The following SVIL variants were observed in gnomAD, a reference collection of about 807,000 sequenced individuals.
SVIL encodes the protein archvillin.
SVIL carries 101 observed loss-of-function variants against 240.4 expected under a neutral mutation model. The observed-to-expected ratio is 0.42, with a 90% CI of 0.36 to 0.50. The LOEUF is 0.50. Among genes scored for constraint, SVIL ranks in the 20% least tolerant of loss-of-function variants. The pLI is 0.01. For synonymous variants in SVIL, 999 were observed against 1,100.0 expected, an observed-to-expected ratio of 0.91 and a Z score of 1.82; for missense variants, 2,512 against 2,818.7, an observed-to-expected ratio of 0.89 and a Z score of 2.46.
intron 2 of SVIL, among the ~76,000 whole-genome samples, chr10:29,669,825 A>G (rs1959624859): frequency 6.6e-6 from 1 of 152,188 alleles, no homozygotes; most frequent in Non-Finnish European, 1.5e-5. Flanking sequence ...TTTAAGATAA[A>G]GGAAAGTTGC....
chr10:29,647,624 G>GGGGTGTGTGT (rs148132418), intron 3 of SVIL, among the ~76,000 whole-genome samples: 7,127 of 151,608 alleles, frequency 0.047, 207 homozygotes, highest in East Asian at 0.15. Context: ...TGCAAATATA[G>GGGGTGTGTGT]GTGTGTGTGT....
At chr10:29,563,917 T>G (rs1183443698) in intron 2 of SVIL, among the ~76,000 whole-genome samples, 1 of 147,768 alleles carries the variant, frequency 6.8e-6, no homozygotes, top group East Asian at 2.0e-4. Flanking sequence ...CCCCCATGTA[T>G]CTGCTTTCCC....
intron 2 of SVIL, among the ~76,000 whole-genome samples, chr10:29,670,701 AAAC>A (rs1042781707): frequency 2.0e-4 from 31 of 152,372 alleles, no homozygotes; most frequent in African/African-American, 6.5e-4. Context: ...AAGAGGCCAG[AAAC>A]AACAAGAGAA....
chr10:29,645,300 T>C (rs377114034), intron 3 of SVIL, among the ~76,000 whole-genome samples: 33 of 152,222 alleles, frequency 2.2e-4, no homozygotes, highest in African/African-American at 7.2e-4. Context: ...CCAGGTGTGG[T>C]GGGTCATGCC....
At chr10:29,613,172 CAAAAAAAAAA>C (rs549906216) in intron 1 of SVIL, among the ~76,000 whole-genome samples, 3 of 53,846 alleles carry the variant, frequency 5.6e-5, no homozygotes, top group Non-Finnish European at 7.2e-5. Flanking sequence ...GACTCCATCT[CAAAAAAAAAA>C]AAAAAAAAAG....
intron 1 of SVIL, among the ~76,000 whole-genome samples, chr10:29,584,137 C>T (rs1280473636): frequency 5.3e-5 from 8 of 152,198 alleles, no homozygotes; most frequent in South Asian, 2.1e-4. Flanking sequence ...AATAGGTGAA[C>T]AGGGAGGCCA....
chr10:29,599,397 T>C (rs1238814332), intron 1 of SVIL, among the ~76,000 whole-genome samples: 1 of 151,276 alleles, frequency 6.6e-6, no homozygotes, highest in Non-Finnish European at 1.5e-5. Flanking sequence ...TTTTTTTTTG[T>C]TCAGTCTTGC....
At chr10:29,544,833 G>C in intron 6 of SVIL, among the ~76,000 whole-genome samples, 1 of 151,120 alleles carries the variant, frequency 6.6e-6, no homozygotes, top group East Asian at 1.9e-4. Flanking sequence ...AAAAAAGAGG[G>C]AATGACTTAC....
At chr10:29,594,296 AG>A (rs958829423) in intron 1 of SVIL, among the ~76,000 whole-genome samples, 5 of 37,890 alleles carry the variant, frequency 1.3e-4, no homozygotes, top group Non-Finnish European at 2.9e-4. Flanking sequence ...AAACACTCCT[AG>A]GTCCCAACCA....
intron 1 of SVIL, among the ~76,000 whole-genome samples, chr10:29,703,126 G>T (rs74709350): frequency 0.068 from 10,382 of 152,246 alleles, 482 homozygotes; most frequent in African/African-American, 0.12. Context: ...AAAAGAGAGA[G>T]CTTAGTTTCT....
intron 6 of SVIL, among the ~76,000 whole-genome samples, chr10:29,548,844 G>A (rs114097508): frequency 0.014 from 2,074 of 152,298 alleles, 50 homozygotes; most frequent in African/African-American, 0.047. Flanking sequence ...GATAAACTAT[G>A]AAAGGGGTGT....
chr10:29,490,126 C>A (rs11007619), intron 22 of SVIL, among the ~76,000 whole-genome samples: 71,273 of 151,434 alleles, frequency 0.47, 18,294 homozygotes, highest in African/African-American at 0.67. Context: ...CATCTCCTCG[C>A]CTCCATTCAT....
chr10:29,513,434 G>A (rs959375495), intron 16 of SVIL, among the ~76,000 whole-genome samples: 11 of 152,242 alleles, frequency 7.2e-5, no homozygotes, highest in East Asian at 5.8e-4. Context: ...CCAGCGGGAG[G>A]CTGAGGCACA....
At chr10:29,600,885 A>G (rs1250606976) in intron 1 of SVIL, among the ~76,000 whole-genome samples, 1 of 152,166 alleles carries the variant, frequency 6.6e-6, no homozygotes, top group East Asian at 1.9e-4. Flanking sequence ...TATAGTCAAT[A>G]CATATGATTA....
chr10:29,463,718 G>A (rs549341295), intron 34 of SVIL, 83 bp from the exon 35 acceptor site: 2 of 1,544,250 alleles, frequency 1.3e-6, no homozygotes, highest in African/African-American at 1.4e-5. Context: ...CCTAGTGGAT[G>A]TTGTCCCTCT....
intron 2 of SVIL, among the ~76,000 whole-genome samples, chr10:29,668,698 T>C (rs1294307115): frequency 6.6e-6 from 1 of 152,192 alleles, no homozygotes. Flanking sequence ...GGTCTTGAAC[T>C]CCTGACCTCA....
At chr10:29,474,361 C>T (rs1223609246) in intron 29 of SVIL, among the ~76,000 whole-genome samples, 2 of 152,114 alleles carry the variant, frequency 1.3e-5, no homozygotes, top group Non-Finnish European at 2.9e-5. Flanking sequence ...AATCCCAACA[C>T]TCTGGGAGGA....
chr10:29,729,903 T>C (rs1305279039), intron 1 of SVIL, among the ~76,000 whole-genome samples: 5 of 141,274 alleles, frequency 3.5e-5, no homozygotes, highest in African/African-American at 8.1e-5. Flanking sequence ...AAACGTAACA[T>C]GATGGCTGGG....
chr10:29,567,931 G>A (rs1235632605), intron 2 of SVIL, among the ~76,000 whole-genome samples: 1 of 151,744 alleles, frequency 6.6e-6, no homozygotes, highest in African/African-American at 2.4e-5. Flanking sequence ...GCAGGAGAAT[G>A]GCGTGAACCC....
Sources: gnomAD v4.1 joint callset for allele counts (sites outside exome capture counted in the v4.1 genomes callset) on GRCh38, gnomAD v4.1.1 for gene constraint, MANE v1.5 for transcripts, NCBI Gene and HGNC (gene_info 2026-07-23, HGNC 2026-07-21) for gene names.